ERVV-2: variants seen among roughly 807,000 people sequenced by gnomAD.
ERVV-2 encodes endogenous retrovirus group V member 2 Env polyprotein.
For synonymous variants in ERVV-2, 105 were observed against 184.6 expected, an observed-to-expected ratio of 0.57 and a Z score of 3.49; for missense variants, 291 against 495.1, an observed-to-expected ratio of 0.59 and a Z score of 3.91.
chr19:53,048,799 A>G (rs1325805413), intron 1 of ERVV-2, 68 bp from the exon 2 acceptor site: 1 of 252,084 alleles, frequency 4.0e-6, no homozygotes. Context: ...ACCTGGAGAG[A>G]TGGGTCATCT....
intron 1 of ERVV-2, among the ~76,000 whole-genome samples, chr19:53,045,448 G>A (rs953632661): frequency 5.3e-5 from 8 of 152,184 alleles, no homozygotes; most frequent in African/African-American, 9.6e-5. Flanking sequence ...GACTACAGGC[G>A]TGTGCCACCA....
intron 1 of ERVV-2, among the ~76,000 whole-genome samples, chr19:53,047,313 A>C (rs1337040614): frequency 6.6e-6 from 1 of 152,160 alleles, no homozygotes; most frequent in African/African-American, 2.4e-5. Flanking sequence ...GCGCCACTGC[A>C]CTCCAGCCTG....
At chr19:53,046,122 C>T (rs2584261) in intron 1 of ERVV-2, among the ~76,000 whole-genome samples, 58,362 of 150,852 alleles carry the variant, frequency 0.39, 9,660 homozygotes, top group Middle Eastern at 0.51. Context: ...ATTAGCCGGG[C>T]GTGGTGGCAC....
rs113502590 is a variant in ERVV-2, at chr19:53,050,322, C to A, written c.1071C>A (p.Asp357Glu). Residue 357 changes from aspartate to glutamate, a missense_variant, in exon 2 of 2, where the codon GAC (aspartate) becomes GAA (glutamate). Transcript: ENST00000601417. ...VTLRNLSRQI[D>E]NIAKSTRDSI... Reference sequence around the variant, plus strand: ...TCAGAAATCTCTCCAGACAAATAGACAACATAGCTAAGAGTACCAGAGATA... The same window carrying A: ...TCAGAAATCTCTCCAGACAAATAGAAAACATAGCTAAGAGTACCAGAGATA... The A allele has an allele frequency of 7.4e-5, 52 of 707,426 alleles. No homozygotes were observed. The African/African-American group carries it at 7.5e-4, about 10-fold the overall frequency. The allele number at this position is 707,426 out of a possible 1,614,324, so 43.8% of individuals were successfully genotyped here.
At chr19:53,045,000 C>A (rs982447367) in intron 1 of ERVV-2, 42 bp downstream of exon 1, 2 of 152,290 alleles carry the variant, frequency 1.3e-5, no homozygotes, top group African/African-American at 4.8e-5. Context: ...TGGTTGACGA[C>A]CTCTGCTTCT....
At chr19:53,047,179 T>C (rs1277723318) in intron 1 of ERVV-2, among the ~76,000 whole-genome samples, 3 of 146,188 alleles carry the variant, frequency 2.1e-5, no homozygotes, top group Non-Finnish European at 4.5e-5. Flanking sequence ...AGAAACCCCG[T>C]CTCTACTAAA....
rs148738562 is a variant in ERVV-2 at position 53,047,829 on chromosome 19, G to C, written c.-385-1038G>C. 3.4e-3 allele frequency among the ~76,000 whole-genome samples: 520 copies of C among 152,292 alleles called. 3 individuals carry two copies. The highest frequency in any genetic ancestry group is 0.011 in the African/African-American group (442 of 41,558). ...TGGATCCCCTTGGAATCTGGGAAAA[G>C]GTTGATCCCCAGATTGTAAAACAAG... is the stretch of plus-strand genomic sequence containing the variant. On this transcript the variant is annotated intron_variant, in intron 1 of 1. Transcript: ENST00000601417.
Position 53,050,777 on chromosome 19 carries a change from G to C in ERVV-2, c.1526G>C (p.Gly509Ala), listed in dbSNP as rs1432367841. The C allele has an allele frequency of 6.5e-7, 1 of 1,536,082 alleles. No homozygotes were observed. Among genetic ancestry groups the C allele is most frequent in the South Asian group, 1.2e-5 (1 of 84,056 alleles). Reference protein sequence around the residue: ...MERYQLSVIGGPSTYKHISPL... With the variant: ...MERYQLSVIGAPSTYKHISPL... Reference sequence around the variant, plus strand: ...AGATATCAGCTATCTGTCATTGGAGGCCCCAGCACCTATAAGCACATCTCC... The same window carrying C: ...AGATATCAGCTATCTGTCATTGGAGCCCCCAGCACCTATAAGCACATCTCC... The change falls in exon 2 of 2, where the codon GGC becomes GCC. Residue 509 changes from glycine to alanine, a missense_variant. Transcript: ENST00000601417.
rs913751081 is a variant in ERVV-2, at chr19:53,048,526, T to C, written c.-385-341T>C. 5.3e-5 allele frequency among the ~76,000 whole-genome samples: 8 copies of C among 151,270 alleles called. No homozygotes were observed. In the South Asian group the frequency reaches 1.3e-3, roughly 24 times the overall value. On this transcript the variant is annotated intron_variant, in intron 1 of 1. Transcript: ENST00000601417. Reference sequence around the variant, plus strand: ...AACCTTGTCTACTAAAAATACAAAATTAGCTGGGCATGCTGGTACATGCCT... The same window carrying C: ...AACCTTGTCTACTAAAAATACAAAACTAGCTGGGCATGCTGGTACATGCCT...
At chr19:53,048,426 CCAGTA>C (rs1165905524) in intron 1 of ERVV-2, among the ~76,000 whole-genome samples, 2 of 150,866 alleles carry the variant, frequency 1.3e-5, no homozygotes, top group East Asian at 3.9e-4. Flanking sequence ...GCCTGTAATC[CCAGTA>C]CTTTGAGAGG....
At position 53,048,982 on chromosome 19, in the gene ERVV-2, C is replaced by T. The variant is rs2083901381; in HGVS notation, c.-270C>T. The T allele has an allele frequency of 1.7e-6, 1 of 591,426 alleles. No homozygotes were observed. Among genetic ancestry groups the T allele is most frequent in the Non-Finnish European group, 3.0e-6 (1 of 337,536 alleles). 36.6% of individuals were successfully genotyped at this position (591,426 alleles called of 1,614,324 possible). On this transcript the variant is annotated 5_prime_UTR_variant, in exon 2 of 2. Coordinates refer to ENST00000601417, the MANE Select transcript of ERVV-2 (RefSeq NM_001191055.2). ...TTCAGCACCTGAGCATTCTTGTGAG[C>T]CACTGGAGAACTTAAAATTCCACTT...
intron 1 of ERVV-2, among the ~76,000 whole-genome samples, chr19:53,047,029 TG>T (rs1213158525): frequency 6.6e-6 from 1 of 152,120 alleles, no homozygotes; most frequent in Admixed American, 6.5e-5. Flanking sequence ...CCTGGTGGCA[TG>T]GATCTGTTAT....
chr19:53,050,822 A>G lies in ERVV-2; in HGVS notation c.1571A>G (p.Gln524Arg), dbSNP rs1650983. 0.17 allele frequency: 260,982 copies of G among 1,534,442 alleles called. 24,173 individuals carry two copies. Among genetic ancestry groups the G allele is most frequent in the African/African-American group, 0.31 (22,764 of 72,952 alleles). Residue 524 changes from glutamine to arginine, a missense_variant, in exon 2 of 2, where the codon CAA becomes CGA. Transcript: ENST00000601417. ...KHISPLDASG[Q>R]RFRETMEEFS... ...ATCTCCCCCTTGGATGCCAGTGGGC[A>G]AAGATTCCGGGAAACTATGGAGGAA...
Position 53,047,340 on chromosome 19 carries a change from C to A in ERVV-2, c.-385-1527C>A, listed in dbSNP as rs145897787. ...TCCAGCCTGGGCAACAAGAGAGAAA[C>A]TGTCTCAAAAAAAAGGACTTTAGAA... On this transcript the variant is annotated intron_variant, in intron 1 of 1. Transcript: ENST00000601417. 1.9e-3 allele frequency among the ~76,000 whole-genome samples: 292 copies of A among 152,164 alleles called. 1 individual carries two copies. Among genetic ancestry groups the A allele is most frequent in the African/African-American group, 6.7e-3 (276 of 41,502 alleles).
chr19:53,045,875 T>C (rs1287030218), intron 1 of ERVV-2, among the ~76,000 whole-genome samples: 1 of 152,142 alleles, frequency 6.6e-6, no homozygotes, highest in Non-Finnish European at 1.5e-5. Context: ...ATGTTTATAC[T>C]TTTTTCCTCA....
At position 53,049,078 on chromosome 19, in the gene ERVV-2, T is replaced by A. The variant is rs1055015575; in HGVS notation, c.-174T>A. On this transcript the variant is annotated 5_prime_UTR_variant, in exon 2 of 2. It adds an upstream start codon to the 5' untranslated region. Transcript: ENST00000601417. The stretch of plus-strand genomic sequence containing the variant: ...AAAGTCAATCTCAGTACGGGGAATC[T>A]TGGTTGCGGTGGCATTGGTTCTTCT... 5 of 731,504 alleles carry A rather than the reference T, an allele frequency of 6.8e-6. No homozygotes were observed. The highest frequency in any genetic ancestry group is 1.1e-5 in the Non-Finnish European group (5 of 455,790). 45.3% of individuals were successfully genotyped at this position (731,504 alleles called of 1,614,324 possible). A position where few individuals can be genotyped will look rare whatever the true frequency, so the allele number is the denominator to read the frequency against.
chr19:53,051,136 CTTTTTTTTTTTT>C lies in ERVV-2; in HGVS notation c.*294_*305del, dbSNP rs57887970. ...TAACCCATCCTAGAACAGCCTTTTG[CTTTTTTTTTTTT>C]TTTTTTTTTTTTTTTTGAGACAAGT... is the stretch of plus-strand genomic sequence containing the variant. On this transcript the variant is annotated 3_prime_UTR_variant, in exon 2 of 2. Transcript: ENST00000601417. 3,104 of 111,078 alleles carry C rather than the reference CTTTTTTTTTTTT, an allele frequency of 0.028. 9 individuals are homozygous for C. Among genetic ancestry groups the C allele is most frequent in the South Asian group, 0.049 (195 of 4,010 alleles). The allele number at this position is 111,078 out of a possible 1,614,324, so 6.9% of individuals were successfully genotyped here. A position where few individuals can be genotyped will look rare whatever the true frequency, so the allele number is the denominator to read the frequency against.
chr19:53,045,310 T>G (rs1411181502), intron 1 of ERVV-2, among the ~76,000 whole-genome samples: 2 of 134,096 alleles, frequency 1.5e-5, no homozygotes, highest in Non-Finnish European at 1.7e-5. Flanking sequence ...ATATTTTTTT[T>G]TGTGGGGGGG....
rs2083912800 is a variant in ERVV-2 at position 53,051,181 on chromosome 19, C to G, written c.*322C>G. On this transcript the variant is annotated 3_prime_UTR_variant, in exon 2 of 2. Transcript: ENST00000601417. The stretch of plus-strand genomic sequence containing the variant: ...TTTTTTTTTGAGACAAGTTCTTGCT[C>G]TGTCTCCCAGGCTGGAGTACAATGG... 1 of 186,010 alleles carries G rather than the reference C, an allele frequency of 5.4e-6. No individual in the cohort carries two copies. The highest frequency in any genetic ancestry group is 9.4e-6 in the Non-Finnish European group (1 of 106,432). The allele number at this position is 186,010 out of a possible 1,614,324, so 11.5% of individuals were successfully genotyped here.
Sources: gnomAD v4.1 joint callset for allele counts (sites outside exome capture counted in the v4.1 genomes callset) on GRCh38, gnomAD v4.1.1 for gene constraint, MANE v1.5 for transcripts, NCBI Gene and HGNC (gene_info 2026-07-23, HGNC 2026-07-21) for gene names.